The following MTUS1 variants were observed in gnomAD, a reference collection of about 807,000 sequenced individuals.
MTUS1 encodes microtubule associated scaffold protein 1.
A neutral mutation model predicts 120.8 loss-of-function variants in MTUS1; 109 were observed. The ratio of observed to expected loss-of-function variants is 0.90; its 90% CI spans 0.77 to 1.06. The LOEUF is 1.06. Among genes scored for constraint, MTUS1 ranks in the 50% least tolerant of loss-of-function variants. The probability of loss-of-function intolerance (pLI) is 0.00; values close to 1 mark genes in which losing one functional copy is unlikely to be tolerated. For missense variants in MTUS1, 2,210 were observed against 1,486.3 expected (o/e 1.49, Z -8.01); for synonymous variants, 737 against 550.5 (o/e 1.34, Z -4.74).
chr8:17,750,457 A>C (rs1273738183), intron 2 of MTUS1, among the ~76,000 whole-genome samples: 2 of 152,244 alleles, frequency 1.3e-5, no homozygotes, highest in Non-Finnish European at 2.9e-5. Flanking sequence ...GTGAATCTTC[A>C]GCAAATCACT....
intron 7 of MTUS1, chr8:17,675,979 CAT>C: frequency 2.6e-6 from 1 of 382,798 alleles, no homozygotes; most frequent in East Asian, 4.8e-5. Flanking sequence ...CACATACACA[CAT>C]ACTTACACAA....
intron 8 of MTUS1, among the ~76,000 whole-genome samples, chr8:17,673,167 G>T (rs907090670): frequency 6.6e-6 from 1 of 152,176 alleles, no homozygotes; most frequent in Non-Finnish European, 1.5e-5. Context: ...GGTCATTTAG[G>T]TAATCATAAG....
rs747336566 is a variant in MTUS1 at position 17,754,411 on chromosome 8, T to G, written c.1397A>C (p.Asp466Ala). ...CAGGTTCACAGGTGCCTCCTTCGAG[T>G]CTGGTATGTTTTTAAGCCCTCGATT... ...KGNRGLKNIPDSKEAPVNLCK... is the reference protein window; with the variant it reads ...KGNRGLKNIPASKEAPVNLCK... Residue 466 changes from aspartate (D) to alanine (A), a missense_variant, in exon 2 of 15, where the codon GAC becomes GCC. Transcript: ENST00000693296. 1.9e-6 allele frequency: 3 copies of G among 1,614,070 alleles called. No homozygotes were observed. Among genetic ancestry groups the G allele is most frequent in the East Asian group, 2.2e-5 (1 of 44,884 alleles).
chr8:17,720,071 G>A (rs1012864160), intron 4 of MTUS1, among the ~76,000 whole-genome samples: 3 of 152,160 alleles, frequency 2.0e-5, no homozygotes, highest in African/African-American at 4.8e-5. Flanking sequence ...GGGACCGGGC[G>A]TGGTGGCTCA....
At chr8:17,689,667 T>C (rs866349664) in intron 6 of MTUS1, among the ~76,000 whole-genome samples, 1 of 152,124 alleles carries the variant, frequency 6.6e-6, no homozygotes, top group African/African-American at 2.4e-5. Flanking sequence ...CAAAAAAGCA[T>C]GGCACTGGTC....
At position 17,755,134 on chromosome 8, in the gene MTUS1, C is replaced by G. The variant is rs1263464567; in HGVS notation, c.674G>C (p.Arg225Thr). ...KTHARETTYD[R>T]ESFENPQVTP... The stretch of plus-strand genomic sequence containing the variant: ...GACTTGAGGGTTTTCAAAGCTTTCT[C>G]TATCATAAGTAGTTTCTCTTGCATG... Residue 225 changes from arginine (R) to threonine (T), a missense_variant, in exon 2 of 15, where the codon AGA (arginine) becomes ACA (threonine). By Grantham distance (71) the Arg-to-Thr change is moderately conservative (BLOSUM62 -1). Coordinates refer to ENST00000693296, the MANE Select transcript of MTUS1 (RefSeq NM_001363059.2). 1 of 1,613,948 alleles carries G rather than the reference C, an allele frequency of 6.2e-7. No homozygotes were observed. The highest frequency in any genetic ancestry group is 8.5e-7 in the Non-Finnish European group (1 of 1,180,036).
intron 1 of MTUS1, among the ~76,000 whole-genome samples, chr8:17,772,924 C>T (rs553350226): frequency 7.9e-4 from 120 of 152,200 alleles, no homozygotes; most frequent in African/African-American, 2.8e-3. Flanking sequence ...CAAGACTAAT[C>T]CATATTAGAG....
At chr8:17,766,035 G>A (rs1199255750) in intron 1 of MTUS1, among the ~76,000 whole-genome samples, 1 of 152,072 alleles carries the variant, frequency 6.6e-6, no homozygotes, top group Non-Finnish European at 1.5e-5. Flanking sequence ...AGACCTTTAT[G>A]CTAGCATTAG....
chr8:17,654,326 C>G, intron 10 of MTUS1: 1 of 534,872 alleles, frequency 1.9e-6, no homozygotes. Context: ...CCTTTACAGT[C>G]TTCCAAAGCC....
At chr8:17,700,222 C>G (rs1182283385) in intron 6 of MTUS1, among the ~76,000 whole-genome samples, 1 of 151,806 alleles carries the variant, frequency 6.6e-6, no homozygotes, top group Non-Finnish European at 1.5e-5. Flanking sequence ...AATCTCAGCA[C>G]TTTGGGAGGC....
At position 17,743,702 on chromosome 8, in the gene MTUS1, C is replaced by T. The variant is rs2047514727; in HGVS notation, c.2189G>A (p.Gly730Glu). The change falls in exon 3 of 15, where the codon GGG (glycine) becomes GAG (glutamate). Residue 730 changes from glycine (G) to glutamate (E), a missense_variant. Gly to Glu is a moderately conservative substitution (Grantham distance 98). Transcript: ENST00000693296. ...RQIAAPKAKVGPPVSCLRRNS... is the reference protein window; with the variant it reads ...RQIAAPKAKVEPPVSCLRRNS... ...CCGCCTCAAACAGGAAACAGGGGGC[C>T]CCACTTTGGCTTTTGGAGCAGCTAT... 6.2e-6 allele frequency: 10 copies of T among 1,614,020 alleles called. No homozygotes were observed. Among genetic ancestry groups the T allele is most frequent in the Non-Finnish European group, 8.5e-6 (10 of 1,180,024 alleles).
At chr8:17,746,563 T>G (rs1359725411) in intron 2 of MTUS1, among the ~76,000 whole-genome samples, 2 of 152,168 alleles carry the variant, frequency 1.3e-5, no homozygotes, top group African/African-American at 2.4e-5. Context: ...CCATCAGATC[T>G]CATGAGACTT....
In MTUS1 at chr8:17,726,413, G is replaced by T. The variant is rs917737098; in HGVS notation, c.2288-2580C>A. Among the ~76,000 whole-genome samples the T allele has an allele frequency of 1.2e-4, 18 of 152,198 alleles. 3 individuals are homozygous for T. In the South Asian group the frequency reaches 2.3e-3, roughly 19 times the overall value. The stretch of plus-strand genomic sequence containing the variant: ...ACATTCTTCTTGGACCATCTCTAAG[G>T]TTCCTGAGATCAGGAAGAGCACCTG... On this transcript the variant is annotated intron_variant, in intron 3 of 14. Coordinates refer to ENST00000693296, the MANE Select transcript of MTUS1 (RefSeq NM_001363059.2).
At chr8:17,740,301 T>C (rs987844511) in intron 3 of MTUS1, among the ~76,000 whole-genome samples, 1 of 152,182 alleles carries the variant, frequency 6.6e-6, no homozygotes, top group African/African-American at 2.4e-5. Context: ...TTCAAGAAAA[T>C]GGCTGTTTCA....
chr8:17,796,537 C>T (rs1409831189), intron 1 of MTUS1, among the ~76,000 whole-genome samples: 1 of 152,160 alleles, frequency 6.6e-6, no homozygotes, highest in East Asian at 1.9e-4. Context: ...TCAGAGCAAT[C>T]ACAAGTTGCC....
intron 12 of MTUS1, among the ~76,000 whole-genome samples, chr8:17,650,839 A>G (rs1050859535): frequency 6.6e-6 from 1 of 152,186 alleles, no homozygotes; most frequent in Non-Finnish European, 1.5e-5. Flanking sequence ...AAACCATTCA[A>G]AATTTATGCT....
intron 3 of MTUS1, among the ~76,000 whole-genome samples, chr8:17,738,948 G>A (rs186247840): frequency 6.6e-6 from 1 of 151,844 alleles, no homozygotes; most frequent in East Asian, 1.9e-4. Flanking sequence ...AGACCAGCCT[G>A]GGCAACAAAG....
intron 6 of MTUS1, among the ~76,000 whole-genome samples, chr8:17,695,765 G>T (rs900209130): frequency 6.6e-6 from 1 of 151,910 alleles, no homozygotes; most frequent in East Asian, 1.9e-4. Context: ...ACTTTAAAAA[G>T]GTATAGAATA....
intron 14 of MTUS1, 73 bp downstream of exon 14, chr8:17,646,909 G>T: frequency 1.9e-6 from 2 of 1,031,196 alleles, no homozygotes; most frequent in East Asian, 2.4e-5. Flanking sequence ...CAGGGGTAGA[G>T]CGTGTCCAGA....
Sources: gnomAD v4.1 joint callset for allele counts (sites outside exome capture counted in the v4.1 genomes callset) on GRCh38, gnomAD v4.1.1 for gene constraint, MANE v1.5 for transcripts, NCBI Gene and HGNC (gene_info 2026-07-23, HGNC 2026-07-21) for gene names.